The following CTNNA2 variants were observed in gnomAD, a reference collection of about 807,000 sequenced individuals.
The protein encoded by CTNNA2 is catenin alpha 2.
CTNNA2 carries 42 observed loss-of-function variants against 101.0 expected under a neutral mutation model. That is an observed-to-expected ratio of 0.42 (90% CI 0.32 to 0.54). CTNNA2 has a LOEUF of 0.54. Among genes scored for constraint, CTNNA2 ranks in the 20% least tolerant of loss-of-function variants. CTNNA2 has a pLI of 0.14. For synonymous variants in CTNNA2, 450 were observed against 456.4 expected, an observed-to-expected ratio of 0.99 and a Z score of 0.18; for missense variants, 871 against 1,223.1, an observed-to-expected ratio of 0.71 and a Z score of 4.29.
chr2:80,110,249 G>A (rs1231839930), intron 7 of CTNNA2, among the ~76,000 whole-genome samples: 1 of 152,184 alleles, frequency 6.6e-6, no homozygotes, highest in Non-Finnish European at 1.5e-5. Flanking sequence ...CAATCATTGA[G>A]TGGGTATCTA....
At chr2:79,614,193 T>C (rs1222464392) in intron 1 of CTNNA2, among the ~76,000 whole-genome samples, 1 of 152,180 alleles carries the variant, frequency 6.6e-6, no homozygotes, top group African/African-American at 2.4e-5. Context: ...CAGTTTTCTC[T>C]ACTCCTCTTT....
chr2:79,441,788 C>T (rs1308594517), intron 4 of CTNNA2, among the ~76,000 whole-genome samples: 1 of 152,156 alleles, frequency 6.6e-6, no homozygotes, highest in East Asian at 1.9e-4. Flanking sequence ...CTTACCATGA[C>T]TATAATACAC....
chr2:80,489,778 A>C (rs550101854), intron 9 of CTNNA2, among the ~76,000 whole-genome samples: 2 of 152,322 alleles, frequency 1.3e-5, no homozygotes, highest in South Asian at 4.1e-4. Flanking sequence ...ATGGAAATGA[A>C]TTTTATTTTA....
At chr2:79,538,377 ATTG>A (rs1408494009) in intron 1 of CTNNA2, among the ~76,000 whole-genome samples, 3 of 152,034 alleles carry the variant, frequency 2.0e-5, no homozygotes, top group Non-Finnish European at 4.4e-5. Flanking sequence ...TTATTTATTT[ATTG>A]TTGTTGTTGA....
chr2:79,760,983 T>C (rs933886965), intron 3 of CTNNA2, among the ~76,000 whole-genome samples: 9 of 152,220 alleles, frequency 5.9e-5, no homozygotes, highest in Admixed American at 3.3e-4. Flanking sequence ...TCAGCCTTTA[T>C]GTGCCACAAT....
chr2:79,763,652 A>G lies in CTNNA2; in HGVS notation c.298+19070A>G, dbSNP rs573112155. On this transcript the variant is annotated intron_variant, in intron 3 of 18. Transcript: ENST00000402739. ...TCTATGGTAGTCATCATCAAACAAT[A>G]TGATCTGGTAATATCATCCATCTGC... Among the ~76,000 whole-genome samples, 4 of 152,338 alleles carry G rather than the reference A, an allele frequency of 2.6e-5. No individual in the cohort carries two copies. The South Asian group carries it at 8.3e-4, about 32-fold the overall frequency.
At chr2:79,858,573 A>G (rs1681330391) in intron 4 of CTNNA2, among the ~76,000 whole-genome samples, 1 of 152,152 alleles carries the variant, frequency 6.6e-6, no homozygotes, top group African/African-American at 2.4e-5. Context: ...GCAGCTGACC[A>G]CCTGTGCCCA....
intron 2 of CTNNA2, among the ~76,000 whole-genome samples, chr2:79,204,261 A>T (rs559386872): frequency 6.6e-6 from 1 of 152,350 alleles, no homozygotes; most frequent in East Asian, 1.9e-4. Context: ...TGCCACGCTG[A>T]CCTGCCATTT....
At chr2:80,348,078 G>A (rs1672936497) in intron 7 of CTNNA2, among the ~76,000 whole-genome samples, 1 of 152,068 alleles carries the variant, frequency 6.6e-6, no homozygotes, top group Admixed American at 6.6e-5. Flanking sequence ...GAACCAGAAT[G>A]CATCTCAGGC....
rs1020691402 is a variant in CTNNA2, at chr2:79,802,195, A to G, written c.299-55818A>G. Reference sequence around the variant, plus strand: ...GCACGTAGAGGCTATGCTCTCCCTCAGTATTACCATTCATTATTCTTGTAT... The same window carrying G: ...GCACGTAGAGGCTATGCTCTCCCTCGGTATTACCATTCATTATTCTTGTAT... On this transcript the variant is annotated intron_variant, in intron 3 of 18. Coordinates refer to ENST00000402739, the MANE Select transcript of CTNNA2 (RefSeq NM_001282597.3). Among the ~76,000 whole-genome samples, 8 of 152,256 alleles carry G rather than the reference A, an allele frequency of 5.3e-5. No individual in the cohort carries two copies. The East Asian group carries it at 5.8e-4, about 11-fold the overall frequency.
At chr2:79,211,005 C>T (rs1359588149) in intron 2 of CTNNA2, among the ~76,000 whole-genome samples, 2 of 152,140 alleles carry the variant, frequency 1.3e-5, no homozygotes, top group Non-Finnish European at 2.9e-5. Flanking sequence ...GCTCTGCTTC[C>T]ACTTCCTGTC....
chr2:79,358,302 T>G (rs1198439806), intron 3 of CTNNA2, among the ~76,000 whole-genome samples: 3 of 151,922 alleles, frequency 2.0e-5, no homozygotes, highest in Admixed American at 2.0e-4. Context: ...TGGGTTCAAG[T>G]GATTCTCCTG....
chr2:80,599,397 C>T (rs1221447181), intron 15 of CTNNA2, among the ~76,000 whole-genome samples: 1 of 152,148 alleles, frequency 6.6e-6, no homozygotes, highest in Non-Finnish European at 1.5e-5. Flanking sequence ...GCTACCCTTG[C>T]TACATAAGCC....
intron 7 of CTNNA2, among the ~76,000 whole-genome samples, chr2:80,372,446 C>T (rs1204557795): frequency 6.6e-6 from 1 of 150,848 alleles, no homozygotes; most frequent in Non-Finnish European, 1.5e-5. Context: ...TTTCTCTGTC[C>T]TTCCTAAAGA....
intron 3 of CTNNA2, among the ~76,000 whole-genome samples, chr2:79,753,487 C>T (rs527876944): frequency 1.3e-5 from 2 of 152,266 alleles, no homozygotes; most frequent in East Asian, 1.9e-4. Context: ...TATTATATCT[C>T]CACATTCTCT....
At chr2:80,457,881 T>C (rs1684111982) in intron 9 of CTNNA2, among the ~76,000 whole-genome samples, 1 of 152,212 alleles carries the variant, frequency 6.6e-6, no homozygotes, top group South Asian at 2.1e-4. Flanking sequence ...CCAACTCCCT[T>C]GTCTCCTGCA....
chr2:79,663,545 C>CTGCCCTTCT (rs1401714533), intron 2 of CTNNA2, among the ~76,000 whole-genome samples: 1 of 152,176 alleles, frequency 6.6e-6, no homozygotes, highest in African/African-American at 2.4e-5. Context: ...TGGGCGGATG[C>CTGCCCTTCT]TGCCCTTCTA....
Position 79,679,876 on chromosome 2 carries a change from A to G in CTNNA2, c.102+28218A>G, listed in dbSNP as rs140080209. Among the ~76,000 whole-genome samples, 390 of 152,172 alleles carry G rather than the reference A, an allele frequency of 2.6e-3. 3 individuals are homozygous for G. The highest frequency in any genetic ancestry group is 8.9e-3 in the African/African-American group (369 of 41,528). On this transcript the variant is annotated intron_variant, in intron 2 of 18. Transcript: ENST00000402739. The stretch of plus-strand genomic sequence containing the variant: ...TCCCCGATCCCCTATTGGAACACAG[A>G]GACAGTCTCCATGGCATCTCATCCC...
intron 7 of CTNNA2, among the ~76,000 whole-genome samples, chr2:80,028,846 G>A (rs1695107399): frequency 6.6e-6 from 1 of 152,194 alleles, no homozygotes; most frequent in Non-Finnish European, 1.5e-5. Context: ...TAAGGAAATA[G>A]ATTTCTTTGT....
Sources: allele counts gnomAD v4.1 joint callset (sites outside exome capture counted in the v4.1 genomes callset), GRCh38; gene constraint gnomAD v4.1.1; transcripts MANE v1.5; gene names NCBI Gene and HGNC (gene_info 2026-07-23, HGNC 2026-07-21).